The following KRT27 variants were observed in gnomAD, a reference collection of about 807,000 sequenced individuals.
KRT27 encodes keratin 27.
Under a neutral mutation model 45.3 loss-of-function variants are expected in KRT27, and 30 were observed. That is an observed-to-expected ratio of 0.66 (90% CI 0.50 to 0.90). KRT27 has a LOEUF of 0.90. Ranked by LOEUF, KRT27 falls within the 40% of genes least tolerant of loss-of-function variation. The pLI, the probability that KRT27 is intolerant of heterozygous loss-of-function variation, is 0.00. For missense variants in KRT27, 610 were observed against 564.3 expected (o/e 1.08, Z -0.82); for synonymous variants, 204 against 223.9 (o/e 0.91, Z 0.79).
At chr17:40,779,913 A>C in intron 3 of KRT27, 52 bp from the exon 4 acceptor site, 5 of 1,556,668 alleles carry the variant, frequency 3.2e-6, no homozygotes, top group Non-Finnish European at 4.3e-6. Flanking sequence ...TATTTATTGC[A>C]CTTTTTGAGT....
At chr17:40,781,391 A>G (rs917430445) in intron 1 of KRT27, 121 bp from the exon 2 acceptor site, 2 of 613,688 alleles carry the variant, frequency 3.3e-6, no homozygotes, top group Admixed American at 2.8e-5. Context: ...TAATAATCAG[A>G]CCATTCTTTT....
rs754233148 is a variant in KRT27, at chr17:40,780,484, A to G, written c.528-28T>C. Reference sequence around the variant, plus strand: ...TAGAAAAGTATTTGGAAGTTTCATCATTAGTCATTAGACATGGCACATCAC... The same window carrying G: ...TAGAAAAGTATTTGGAAGTTTCATCGTTAGTCATTAGACATGGCACATCAC... On this transcript the variant is annotated intron_variant, in intron 2 of 7. Coordinates refer to ENST00000301656, the MANE Select transcript of KRT27 (RefSeq NM_181537.4). 5.0e-6 allele frequency: 8 copies of G among 1,600,068 alleles called. No individual in the cohort carries two copies. In the South Asian group the frequency reaches 5.6e-5, roughly 11 times the overall value.
rs970705842 is a variant in KRT27 at position 40,777,373 on chromosome 17, G to A, written c.1191-71C>T. On this transcript the variant is annotated intron_variant, in intron 6 of 7. Transcript: ENST00000301656. Reference sequence around the variant, plus strand: ...GGAAACTGAAAAATAATGATTTAAGGTGGGAATTCACTGCATTCTGAAATA... The same window carrying A: ...GGAAACTGAAAAATAATGATTTAAGATGGGAATTCACTGCATTCTGAAATA... 20 of 1,554,090 alleles carry A rather than the reference G, an allele frequency of 1.3e-5. No individual in the cohort carries two copies. In the African/African-American group the frequency reaches 2.3e-4, roughly 18 times the overall value.
chr17:40,779,638 AG>A lies in KRT27; in HGVS notation c.847-12del. The A allele has an allele frequency of 6.2e-7, 1 of 1,614,022 alleles. No homozygotes were observed. The highest frequency in any genetic ancestry group is 8.5e-7 in the Non-Finnish European group (1 of 1,179,936). ...CTGCAGCGAGGCGCTCTGGAACGGCAGGGGCCGCGTTAGGGCGCTGGGGCTG... is the reference window on the plus strand; with the variant it reads ...CTGCAGCGAGGCGCTCTGGAACGGCAGGGCCGCGTTAGGGCGCTGGGGCTG... On this transcript the variant is annotated splice_polypyrimidine_tract_variant and intron_variant, in intron 4 of 7. Transcript: ENST00000301656.
Position 40,776,958 on chromosome 17 carries a change from G to A in KRT27, c.*41C>T. 6.5e-7 allele frequency: 1 copy of A among 1,546,758 alleles called. No individual in the cohort carries two copies. Among genetic ancestry groups the A allele is most frequent in the Non-Finnish European group, 8.8e-7 (1 of 1,141,020 alleles). On this transcript the variant is annotated 3_prime_UTR_variant, in exon 8 of 8. Transcript: ENST00000301656. ...TATTTAGGAAACTAGCTTCATTTTG[G>A]TATTTTAATTTGGGGGCCATTCTGT...
In KRT27 at chr17:40,779,620, G is replaced by T; in HGVS notation, c.854C>A (p.Ser285Ter). 2 of 1,614,186 alleles carry T rather than the reference G, an allele frequency of 1.2e-6. No homozygotes were observed. Among genetic ancestry groups the T allele is most frequent in the Non-Finnish European group, 1.7e-6 (2 of 1,180,012 alleles). The stretch of plus-strand genomic sequence containing the variant: ...GTCGTCAGAGATCTGCTGCTGCAGC[G>T]AGGCGCTCTGGAACGGCAGGGGCCG... ...AEAWFNEKSASLQQQISDDAG... is the reference protein window; with the variant it reads ...AEAWFNEKSA The change falls in exon 5 of 8, where the codon TCG (serine) becomes TAG (stop). Residue 285 changes from serine (S) to a stop codon, truncating the protein, a stop_gained. Coordinates refer to ENST00000301656, the MANE Select transcript of KRT27 (RefSeq NM_181537.4). LOFTEE classifies it high-confidence loss of function.
At chr17:40,780,625 C>T (rs8077615) in intron 2 of KRT27, among the ~76,000 whole-genome samples, 169 bp from the exon 3 acceptor site, 1,940 of 152,262 alleles carry the variant, frequency 0.013, 35 homozygotes, top group African/African-American at 0.045. Flanking sequence ...CTTTGGGAGG[C>T]AGAGGCGGGC....
intron 1 of KRT27, among the ~76,000 whole-genome samples, 154 bp from the exon 2 acceptor site, chr17:40,781,424 G>GTC (rs34748691): frequency 0.38 from 57,746 of 151,828 alleles, 11,747 homozygotes; most frequent in East Asian, 0.65. Flanking sequence ...TTTAAGTATG[G>GTC]TCTCTCTCTC....
chr17:40,780,912 C>T (rs1032490226), intron 2 of KRT27, among the ~76,000 whole-genome samples: 4 of 152,100 alleles, frequency 2.6e-5, no homozygotes, highest in Non-Finnish European at 4.4e-5. Flanking sequence ...GTTAGGTCAT[C>T]TATCATGCAA....
intron 1 of KRT27, 77 bp from the exon 2 acceptor site, chr17:40,781,347 A>G: frequency 1.2e-6 from 1 of 813,876 alleles, no homozygotes; most frequent in Non-Finnish European, 2.1e-6. Flanking sequence ...AAAATTACCC[A>G]TGAAATTATA....
At position 40,779,858 on chromosome 17, in the gene KRT27, T is replaced by C. The variant is rs2038296210; in HGVS notation, c.688A>G (p.Met230Val). Residue 230 changes from methionine (M) to valine (V), a missense_variant, in exon 4 of 8, where the codon ATG becomes GTG. Physicochemically the swap from Met to Val is conservative, Grantham distance 21 (BLOSUM62 1). Coordinates refer to ENST00000301656, the MANE Select transcript of KRT27 (RefSeq NM_181537.4). ...AYLKKNHEEE[M>V]KALQCAAGGN... Reference sequence around the variant, plus strand: ...CCAGCCGCGCACTGAAGAGCTTTCATTTCCTGAAAGATATTTGTTTAACGG... The same window carrying C: ...CCAGCCGCGCACTGAAGAGCTTTCACTTCCTGAAAGATATTTGTTTAACGG... 1.9e-6 allele frequency: 3 copies of C among 1,598,950 alleles called. No homozygotes were observed. The South Asian group carries it at 3.4e-5, about 18-fold the overall frequency.
intron 5 of KRT27, among the ~76,000 whole-genome samples, chr17:40,778,833 T>A (rs1446418539): frequency 1.6e-5 from 2 of 128,712 alleles, no homozygotes; most frequent in African/African-American, 5.2e-5. Context: ...AGCAGTAGGA[T>A]TTTTTTTCTT....
Position 40,779,546 on chromosome 17 carries a change from T to A in KRT27, c.928A>T (p.Thr310Ser). Reference protein sequence around the residue: ...ARNELIEMKRTLQTLEIELQS... With the variant: ...ARNELIEMKRSLQTLEIELQS... ...AGTTCAATCTCAAGGGTTTGAAGAG[T>A]GCGTTTCATCTCGATAAGCTCATTC... is the stretch of plus-strand genomic sequence containing the variant. The change falls in exon 5 of 8, where the codon ACT becomes TCT. Residue 310 changes from threonine to serine, a missense_variant. Thr to Ser is a moderately conservative substitution (Grantham distance 58, BLOSUM62 1). Coordinates refer to ENST00000301656, the MANE Select transcript of KRT27 (RefSeq NM_181537.4). 6.2e-7 allele frequency: 1 copy of A among 1,614,200 alleles called. No individual in the cohort carries two copies. Among genetic ancestry groups the A allele is most frequent in the Non-Finnish European group, 8.5e-7 (1 of 1,180,024 alleles).
chr17:40,777,937 G>A, intron 5 of KRT27: 1 of 611,286 alleles, frequency 1.6e-6, no homozygotes, highest in Non-Finnish European at 2.8e-6. Flanking sequence ...AGCTGGTGCT[G>A]AATGTCCCTC....
At chr17:40,777,788 C>A in intron 5 of KRT27, 56 bp from the exon 6 acceptor site, 1 of 1,538,640 alleles carries the variant, frequency 6.5e-7, no homozygotes, top group East Asian at 2.3e-5. Flanking sequence ...TTAGAATAAG[C>A]CAAAGCATTT....
At chr17:40,781,959 C>T in intron 1 of KRT27, 91 bp downstream of exon 1, 1 of 1,103,044 alleles carries the variant, frequency 9.1e-7, no homozygotes, top group South Asian at 1.6e-5. Context: ...GAGGGCAAAG[C>T]CCTGTTATTG....
At chr17:40,780,695 A>G (rs2038304241) in intron 2 of KRT27, among the ~76,000 whole-genome samples, 1 of 152,028 alleles carries the variant, frequency 6.6e-6, no homozygotes, top group African/African-American at 2.4e-5. Flanking sequence ...AAAAAATACA[A>G]AAAATTAGCC....
intron 5 of KRT27, 38 bp downstream of exon 5, chr17:40,779,464 A>T (rs1225549481): frequency 6.4e-7 from 1 of 1,561,926 alleles, no homozygotes; most frequent in Admixed American, 2.1e-5. Context: ...TTTTTTCTCA[A>T]TTTCTAAAGC....
chr17:40,781,213 G>T lies in KRT27; in HGVS notation c.502C>A (p.Leu168Ile). 3.1e-6 allele frequency: 5 copies of T among 1,611,174 alleles called. No homozygotes were observed. The highest frequency in any genetic ancestry group is 4.2e-6 in the Non-Finnish European group (5 of 1,178,284). ...TTTAGTCTGAAGTCATCAGCTGTTA[G>T]TCTTGCATTATCATTTTGCAGGACA... ...HVVLQNDNAR[L>I]TADDFRLKFE... The change falls in exon 2 of 8, where the codon CTA becomes ATA. Residue 168 changes from leucine to isoleucine, a missense_variant. Leu to Ile is a conservative substitution (Grantham distance 5). Transcript: ENST00000301656.
Sources: gnomAD v4.1 joint callset for allele counts (sites outside exome capture counted in the v4.1 genomes callset) on GRCh38, gnomAD v4.1.1 for gene constraint, MANE v1.5 for transcripts, NCBI Gene and HGNC (gene_info 2026-07-23, HGNC 2026-07-21) for gene names.